The following PCDHGA5 variants were observed in gnomAD, a reference collection of about 807,000 sequenced individuals.
PCDHGA5 encodes protocadherin gamma-A5.
Under a neutral mutation model 56.7 loss-of-function variants are expected in PCDHGA5, and 36 were observed. That is an observed-to-expected ratio of 0.64 (90% CI 0.49 to 0.84). The LOEUF (loss-of-function observed/expected upper bound fraction) is 0.84, where lower values mean the gene tolerates loss of function less well. PCDHGA5 is among the 40% of genes least tolerant of loss of function. The probability of loss-of-function intolerance (pLI) is 0.00; values close to 1 mark genes in which losing one functional copy is unlikely to be tolerated. For missense variants in PCDHGA5, 1,305 were observed against 1,201.5 expected (o/e 1.09, Z -1.27); for synonymous variants, 563 against 520.2 (o/e 1.08, Z -1.12).
chr5:141,365,193 T>C lies in PCDHGA5; in HGVS notation c.863T>C (p.Ile288Thr), dbSNP rs1349681128. Residue 288 changes from isoleucine (I) to threonine (T), a missense_variant, in exon 1 of 4, where the codon ATT becomes ACT. Transcript: ENST00000518069. ...TYSFRNEEEK[I>T]SETFQLDSNL... is the part of the protein sequence containing the mutation. ...TCTTTTCGCAATGAAGAAGAAAAAATTTCGGAGACTTTCCAACTTGATTCC... is the reference window on the plus strand; with the variant it reads ...TCTTTTCGCAATGAAGAAGAAAAAACTTCGGAGACTTTCCAACTTGATTCC... 1.2e-6 allele frequency: 2 copies of C among 1,613,644 alleles called. No homozygotes were observed. The highest frequency in any genetic ancestry group is 1.7e-6 in the Non-Finnish European group (2 of 1,179,874).
At chr5:141,376,410 C>T (rs1042594456) in intron 1 of PCDHGA5, 20 of 1,614,226 alleles carry the variant, frequency 1.2e-5, no homozygotes, top group Non-Finnish European at 1.7e-5. Flanking sequence ...CCCAACTATG[C>T]CGACACGCTT....
chr5:141,384,596 C>G, intron 1 of PCDHGA5: 1 of 1,614,240 alleles, frequency 6.2e-7, no homozygotes, highest in Non-Finnish European at 8.5e-7. Flanking sequence ...CTGTACCCGG[C>G]CCTCCCCACA....
intron 1 of PCDHGA5, chr5:141,405,598 T>G: frequency 1.7e-6 from 1 of 577,840 alleles, no homozygotes; most frequent in South Asian, 2.2e-5. Context: ...GCCTCCCAAG[T>G]AGAATAACTG....
intron 1 of PCDHGA5, chr5:141,409,008 A>G (rs2095209237): frequency 6.2e-7 from 1 of 1,613,898 alleles, no homozygotes; most frequent in African/African-American, 1.3e-5. Context: ...GCCACTGACC[A>G]GGATGAGGGG....
rs978049964 is a variant in PCDHGA5 at position 141,376,740 on chromosome 5, G to A, written c.2421+9989G>A. On this transcript the variant is annotated intron_variant, in intron 1 of 3. Coordinates refer to ENST00000518069, the MANE Select transcript of PCDHGA5 (RefSeq NM_018918.3). ...TGTCGCCCAGGCCGGACTGCGGACT[G>A]CAGTGGCGCAATCTCGGCTCACTGC... is the stretch of plus-strand genomic sequence containing the variant. 6 of 494,230 alleles carry A rather than the reference G, an allele frequency of 1.2e-5. No homozygotes were observed. In the Admixed American group the frequency reaches 1.2e-4, roughly 10 times the overall value. The allele number at this position is 494,230 out of a possible 1,614,324, so 30.6% of individuals were successfully genotyped here.
chr5:141,374,456 G>A, intron 1 of PCDHGA5: 2 of 1,613,432 alleles, frequency 1.2e-6, no homozygotes, highest in Non-Finnish European at 1.7e-6. Context: ...GGAAATAGTG[G>A]ACATTAATGA....
At chr5:141,398,121 A>C (rs554777335) in intron 1 of PCDHGA5, 28 of 1,590,306 alleles carry the variant, frequency 1.8e-5, no homozygotes, top group Admixed American at 3.6e-5. Context: ...TGAGGAGAGC[A>C]AGAGGGATGG....
In PCDHGA5 at chr5:141,364,970, G is replaced by T. The variant is rs766427343; in HGVS notation, c.640G>T (p.Ala214Ser). 13 of 1,613,796 alleles carry T rather than the reference G, an allele frequency of 8.1e-6. No homozygotes were observed. The East Asian group carries it at 2.9e-4, about 36-fold the overall frequency. Residue 214 changes from alanine to serine, a missense_variant, in exon 1 of 4, where the codon GCT (alanine) becomes TCT (serine). Ala to Ser is a moderately conservative substitution (Grantham distance 99). Coordinates refer to ENST00000518069, the MANE Select transcript of PCDHGA5 (RefSeq NM_018918.3). ...KETVHDLLLT[A>S]LDGGDPVLSG... The stretch of plus-strand genomic sequence containing the variant: ...GACTGTTCACGACCTCCTCCTCACA[G>T]CTTTAGATGGCGGAGACCCGGTACT...
Position 141,420,946 on chromosome 5 carries a change from A to G in PCDHGA5, c.2421+54195A>G, listed in dbSNP as rs1561791007. 5 of 400,268 alleles carry G rather than the reference A, an allele frequency of 1.2e-5. No homozygotes were observed. In the East Asian group the frequency reaches 1.7e-4, roughly 14 times the overall value. The allele number at this position is 400,268 out of a possible 1,614,324, so 24.8% of individuals were successfully genotyped here. A position where few individuals can be genotyped will look rare whatever the true frequency, so the allele number is the denominator to read the frequency against. ...AGGTGAGCGTAATCATTTCTTCTGG[A>G]ATTTCTTAGTCGTTGCAATAATAAG... On this transcript the variant is annotated intron_variant, in intron 1 of 3. Coordinates refer to ENST00000518069, the MANE Select transcript of PCDHGA5 (RefSeq NM_018918.3).
At chr5:141,390,830 G>A in intron 1 of PCDHGA5, 1 of 164,036 alleles carries the variant, frequency 6.1e-6, no homozygotes, top group Non-Finnish European at 1.3e-5. Flanking sequence ...TATGTCCATG[G>A]ACCCCTTGTG....
chr5:141,505,507 A>G, intron 3 of PCDHGA5, 26 bp downstream of exon 3: 1 of 1,614,004 alleles, frequency 6.2e-7, no homozygotes, highest in South Asian at 1.1e-5. Flanking sequence ...GTGTGTATGG[A>G]AGAGTGGGAG....
chr5:141,432,173 GTC>G lies in PCDHGA5; in HGVS notation c.2422-62630_2422-62629del. 6.2e-7 allele frequency: 1 copy of G among 1,614,054 alleles called. No individual in the cohort carries two copies. Among genetic ancestry groups the G allele is most frequent in the Non-Finnish European group, 8.5e-7 (1 of 1,180,018 alleles). Reference sequence around the variant, plus strand: ...GAACAATCCCAGAGGAGTTTCCCTCGTCTCTGTGACCGCCCACGACCCCGACT... The same window carrying G: ...GAACAATCCCAGAGGAGTTTCCCTCGTCTGTGACCGCCCACGACCCCGACT... On this transcript the variant is annotated intron_variant, in intron 1 of 3. Coordinates refer to ENST00000518069, the MANE Select transcript of PCDHGA5 (RefSeq NM_018918.3). This position sits in a 1 kb window ranked among gnomAD's most constrained non-coding sequence, Gnocchi z 6.0.
intron 1 of PCDHGA5, among the ~76,000 whole-genome samples, chr5:141,459,575 G>T (rs2098970751): frequency 1.3e-5 from 2 of 152,132 alleles, no homozygotes; most frequent in Admixed American, 6.5e-5. Context: ...AAACAGAATT[G>T]TTTTGGGGGT....
At position 141,430,859 on chromosome 5, in the gene PCDHGA5, T is replaced by G. The variant is rs770543752; in HGVS notation, c.2422-63948T>G. The stretch of plus-strand genomic sequence containing the variant: ...GACCGGATGCACCCAGATACGCTAT[T>G]CAGTTCCGGAAGAGCTGGAGAAAGG... On this transcript the variant is annotated intron_variant, in intron 1 of 3. Transcript: ENST00000518069. 5.0e-6 allele frequency: 8 copies of G among 1,592,398 alleles called. No homozygotes were observed. The East Asian group carries it at 1.6e-4, about 31-fold the overall frequency.
chr5:141,501,852 A>G (rs922276780), intron 2 of PCDHGA5, among the ~76,000 whole-genome samples: 2 of 151,924 alleles, frequency 1.3e-5, no homozygotes, highest in African/African-American at 4.8e-5. Context: ...TCAACCTTCA[A>G]CCATTTCCCA....
At chr5:141,427,495 C>A in intron 1 of PCDHGA5, 2 of 562,648 alleles carry the variant, frequency 3.6e-6, no homozygotes, top group South Asian at 1.5e-5. Flanking sequence ...AAGCTTGTAA[C>A]AGATGGGACC....
intron 1 of PCDHGA5, among the ~76,000 whole-genome samples, chr5:141,481,095 C>T (rs1456056389): frequency 1.3e-5 from 2 of 152,120 alleles, no homozygotes; most frequent in African/African-American, 2.4e-5. Context: ...AAAAGCAGTA[C>T]TCTGGAACCT....
rs375127524 is a variant in PCDHGA5, at chr5:141,490,702, C to G, written c.2422-4105C>G. ...AGATCCAGACACTGGGGATAATGCCCGCCTCACCTACTCCATTGTAGGAAA... is the reference window on the plus strand; with the variant it reads ...AGATCCAGACACTGGGGATAATGCCGGCCTCACCTACTCCATTGTAGGAAA... On this transcript the variant is annotated intron_variant, in intron 1 of 3. Coordinates refer to ENST00000518069, the MANE Select transcript of PCDHGA5 (RefSeq NM_018918.3). This position sits in a 1 kb window ranked among gnomAD's most constrained non-coding sequence, Gnocchi z 5.4. The G allele has an allele frequency of 1.2e-6, 2 of 1,614,060 alleles. No homozygotes were observed. Among genetic ancestry groups the G allele is most frequent in the Admixed American group, 1.7e-5 (1 of 60,008 alleles).
intron 1 of PCDHGA5, chr5:141,413,000 A>G: frequency 1.7e-6 from 1 of 587,734 alleles, no homozygotes; most frequent in Admixed American, 3.6e-5. Context: ...CCGGATTCTC[A>G]GGGCTTCAAC....
Sources: gnomAD v4.1 joint callset for allele counts (sites outside exome capture counted in the v4.1 genomes callset) on GRCh38, gnomAD v4.1.1 for gene constraint, Gnocchi (gnomAD v3.1) non-coding constraint, MANE v1.5 for transcripts, NCBI Gene and HGNC (gene_info 2026-07-23, HGNC 2026-07-21) for gene names.